DMD: variants seen among roughly 807,000 people sequenced by gnomAD.
The protein encoded by DMD is mutant dystrophin.
DMD carries 63 observed loss-of-function variants against 330.1 expected under a neutral mutation model. That is an observed-to-expected ratio of 0.19 (90% confidence interval 0.16 to 0.24). DMD has a LOEUF of 0.24. Ranked by LOEUF, DMD falls within the 10% of genes least tolerant of loss-of-function variation. The pLI is 1.00. For synonymous variants in DMD, 1,223 were observed against 959.8 expected (o/e 1.27, Z -5.07); for missense variants, 3,344 against 2,684.1 (o/e 1.25, Z -5.43).
intron 55 of DMD, among the ~76,000 whole-genome samples, chrX:31,577,365 T>G (rs1219384813): frequency 8.9e-6 from 1 of 112,370 alleles, no homozygotes; most frequent in Non-Finnish European, 1.9e-5. Flanking sequence ...TAATTCCTTT[T>G]GTATTCATTA....
chrX:32,519,874 C>T (rs1163214486), intron 17 of DMD, among the ~76,000 whole-genome samples: 2 of 111,844 alleles, frequency 1.8e-5, no homozygotes, highest in Admixed American at 9.5e-5. Flanking sequence ...AAAACATATT[C>T]GCATTTTATA....
intron 9 of DMD, among the ~76,000 whole-genome samples, chrX:32,671,673 T>C (rs971851607): frequency 8.9e-6 from 1 of 112,090 alleles, no homozygotes; most frequent in African/African-American, 3.2e-5. Context: ...GCTCCCCTAT[T>C]CTTGTCCTTT....
chrX:31,466,184 A>T (rs1224373334), intron 59 of DMD, among the ~76,000 whole-genome samples: 2 of 112,231 alleles, frequency 1.8e-5, no homozygotes, highest in African/African-American at 6.5e-5. Context: ...TAGTTTAATT[A>T]GATTCCATTT....
intron 54 of DMD, among the ~76,000 whole-genome samples, chrX:31,634,322 C>T: frequency 8.9e-6 from 1 of 111,827 alleles, no homozygotes; most frequent in Non-Finnish European, 1.9e-5. Context: ...TACTAAATTA[C>T]TCAAACTCTC....
chrX:32,830,877 C>T (rs1000491296), intron 4 of DMD, among the ~76,000 whole-genome samples: 1 of 110,877 alleles, frequency 9.0e-6, no homozygotes, highest in African/African-American at 3.3e-5. Flanking sequence ...AATGTGAACT[C>T]TTTAGAAACA....
At chrX:31,145,803 T>G (rs946666631) in intron 76 of DMD, among the ~76,000 whole-genome samples, 8 of 110,197 alleles carry the variant, frequency 7.3e-5, no homozygotes, top group Non-Finnish European at 1.5e-4. Context: ...GCTGGGACTA[T>G]AGGCGCCCAC....
intron 7 of DMD, among the ~76,000 whole-genome samples, chrX:32,770,064 G>A (rs192300671): frequency 6.7e-4 from 75 of 111,629 alleles, no homozygotes; most frequent in Non-Finnish European, 1.2e-3. Flanking sequence ...GTATTCCCAA[G>A]GTTGGTGTAA....
intron 44 of DMD, chrX:32,205,919 T>A (rs1473074910): frequency 8.2e-6 from 3 of 363,776 alleles, no homozygotes; most frequent in Non-Finnish European, 1.0e-5. Context: ...ACATGAGTCC[T>A]CTGAGGCCCC....
intron 7 of DMD, among the ~76,000 whole-genome samples, chrX:32,774,428 G>C (rs2073943018): frequency 9.0e-6 from 1 of 111,518 alleles, no homozygotes; most frequent in African/African-American, 3.3e-5. Context: ...TTATGTATTA[G>C]TCCATTTTCA....
At chrX:32,027,343 T>C (rs1366441837) in intron 44 of DMD, among the ~76,000 whole-genome samples, 1 of 111,171 alleles carries the variant, frequency 9.0e-6, no homozygotes, top group Non-Finnish European at 1.9e-5. Context: ...CTTAAACATG[T>C]AGAAGACAAA....
In DMD at chrX:31,366,493, A is replaced by T. The variant is rs1460290730; in HGVS notation, c.9085-17859T>A. Among the ~76,000 whole-genome samples the T allele has an allele frequency of 8.5e-4, 85 of 100,079 alleles. 2 individuals carry two copies. Among genetic ancestry groups the T allele is most frequent in the African/African-American group, 3.1e-3 (83 of 26,460 alleles). 86.9% of individuals were successfully genotyped at this position (100,079 alleles called of 115,157 possible). A position where few individuals can be genotyped will look rare whatever the true frequency, so the allele number is the denominator to read the frequency against. ...CTCAAAAAAAAAAAAAAAAAAAAAA[A>T]AAACATAAAAAAAAAAATAAATAAA... On this transcript the variant is annotated intron_variant, in intron 60 of 78. Transcript: ENST00000357033.
intron 37 of DMD, among the ~76,000 whole-genome samples, chrX:32,357,660 T>TACACACACACACAC (rs3044986): frequency 9.7e-4 from 92 of 94,860 alleles, no homozygotes; most frequent in African/African-American, 3.3e-3. Flanking sequence ...CATACACAGA[T>TACACACACACACAC]ACACACACAC....
intron 12 of DMD, among the ~76,000 whole-genome samples, chrX:32,606,591 A>G (rs768593130): frequency 1.8e-5 from 2 of 109,724 alleles, no homozygotes; most frequent in Non-Finnish European, 3.8e-5. Context: ...GTGTTACATG[A>G]AAAAGCTACC....
intron 34 of DMD, among the ~76,000 whole-genome samples, chrX:32,373,213 GGAAGAAA>G (rs1397535556): frequency 5.6e-5 from 6 of 108,063 alleles, no homozygotes; most frequent in Non-Finnish European, 1.2e-4. Flanking sequence ...ATTCTGAGCA[GGAAGAAA>G]ACTTAGATGA....
chrX:31,789,204 T>C (rs997662485), intron 50 of DMD, among the ~76,000 whole-genome samples: 1 of 111,786 alleles, frequency 8.9e-6, no homozygotes, highest in Non-Finnish European at 1.9e-5. Flanking sequence ...TTTTGCTCAG[T>C]AGTATACTTT....
chrX:32,886,284 A>T (rs1768154270), intron 2 of DMD, among the ~76,000 whole-genome samples: 1 of 110,398 alleles, frequency 9.1e-6, no homozygotes, highest in Non-Finnish European at 1.9e-5. Context: ...GTGACAATTT[A>T]GGTGTCCTTA....
chrX:31,476,420 TACACAC>T (rs1167527887), intron 59 of DMD, among the ~76,000 whole-genome samples: 1 of 91,960 alleles, frequency 1.1e-5, no homozygotes, highest in Non-Finnish European at 2.1e-5. Flanking sequence ...TATATATATA[TACACAC>T]ACACACACAC....
intron 7 of DMD, among the ~76,000 whole-genome samples, chrX:32,713,873 A>G (rs73209881): frequency 0.041 from 4,560 of 111,840 alleles, 111 homozygotes; most frequent in Non-Finnish European, 0.062. Context: ...TGCATTTAAT[A>G]CACTGAACCT....
chrX:33,266,798 C>T (rs1388906982), intron 1 of DMD, among the ~76,000 whole-genome samples: 3 of 110,979 alleles, frequency 2.7e-5, no homozygotes. Flanking sequence ...TCCAACATCC[C>T]TTCATGATAA....
Sources: gnomAD v4.1 joint callset for allele counts (sites outside exome capture counted in the v4.1 genomes callset) on GRCh38, gnomAD v4.1.1 for gene constraint, MANE v1.5 for transcripts, NCBI Gene and HGNC (gene_info 2026-07-23, HGNC 2026-07-21) for gene names.